ENPP6: variants seen among roughly 807,000 people sequenced by gnomAD.
ENPP6 encodes the protein glycerophosphocholine cholinephosphodiesterase ENPP6.
A neutral mutation model predicts 42.0 loss-of-function variants in ENPP6; 32 were observed. The observed-to-expected ratio is 0.76, with a 90% confidence interval of 0.58 to 1.02. The LOEUF is 1.02. Among genes scored for constraint, ENPP6 ranks in the 50% least tolerant of loss-of-function variants. ENPP6 has a pLI of 0.00. For missense variants in ENPP6, 552 were observed against 566.8 expected (o/e 0.97, Z 0.27); for synonymous variants, 213 against 216.0 (o/e 0.99, Z 0.12).
chr4:184,190,735 C>T (rs554073726), intron 1 of ENPP6, among the ~76,000 whole-genome samples: 4 of 152,186 alleles, frequency 2.6e-5, no homozygotes, highest in Non-Finnish European at 5.9e-5. Context: ...CCCAGGTCCC[C>T]ATAACCAAGT....
intron 2 of ENPP6, among the ~76,000 whole-genome samples, chr4:184,142,437 G>T (rs1469483659): frequency 6.6e-6 from 1 of 152,254 alleles, no homozygotes; most frequent in African/African-American, 2.4e-5. Context: ...GTGGGAACAA[G>T]TCCTTGGGGG....
chr4:184,155,422 G>C (rs1431350079), intron 1 of ENPP6, among the ~76,000 whole-genome samples: 4 of 152,178 alleles, frequency 2.6e-5, no homozygotes, highest in Admixed American at 2.0e-4. Context: ...TTTCCTCATA[G>C]AGAGATGTTC....
At chr4:184,110,012 C>T (rs1255846186) in intron 6 of ENPP6, among the ~76,000 whole-genome samples, 1 of 152,070 alleles carries the variant, frequency 6.6e-6, no homozygotes, top group Non-Finnish European at 1.5e-5. Context: ...GGAGAAGGTA[C>T]TTGGACCCAC....
At chr4:184,199,782 G>A (rs1374120979) in intron 1 of ENPP6, among the ~76,000 whole-genome samples, 6 of 152,318 alleles carry the variant, frequency 3.9e-5, no homozygotes, top group Middle Eastern at 3.4e-3. Context: ...TGGAGCTACT[G>A]TGATCATAAA....
chr4:184,092,038 T>C (rs1410495794), intron 7 of ENPP6, among the ~76,000 whole-genome samples: 1 of 152,212 alleles, frequency 6.6e-6, no homozygotes, highest in South Asian at 2.1e-4. Context: ...GCAGAGCCTG[T>C]ATGGTCACAG....
At chr4:184,099,401 C>T (rs60910792) in intron 6 of ENPP6, among the ~76,000 whole-genome samples, 3,741 of 152,296 alleles carry the variant, frequency 0.025, 176 homozygotes, top group African/African-American at 0.086. Flanking sequence ...GAGCTGCAGT[C>T]TCCCTGCTGG....
At chr4:184,210,257 G>T (rs1417126920) in intron 1 of ENPP6, among the ~76,000 whole-genome samples, 1 of 148,524 alleles carries the variant, frequency 6.7e-6, no homozygotes, top group Non-Finnish European at 1.5e-5. Flanking sequence ...AAATGTAAAT[G>T]GACTAAATGC....
At chr4:184,125,001 G>A (rs1736479390) in intron 2 of ENPP6, among the ~76,000 whole-genome samples, 1 of 152,318 alleles carries the variant, frequency 6.6e-6, no homozygotes, top group East Asian at 1.9e-4. Context: ...TCTGCTAGTT[G>A]AGTAAATATT....
intron 1 of ENPP6, among the ~76,000 whole-genome samples, chr4:184,213,467 C>T (rs1331437667): frequency 0.01 from 1,557 of 152,132 alleles, 22 homozygotes; most frequent in East Asian, 0.036. Flanking sequence ...GACATTTATG[C>T]GGCCAAAAAA....
rs1350569141 is a variant in ENPP6, at chr4:184,157,466, CCT to C, written c.242-3735_242-3734del. 3.9e-3 allele frequency among the ~76,000 whole-genome samples: 580 copies of C among 147,962 alleles called. 13 individuals are homozygous for C. Among genetic ancestry groups the C allele is most frequent in the Admixed American group, 0.031 (446 of 14,620 alleles). On this transcript the variant is annotated intron_variant, in intron 1 of 7. Transcript: ENST00000296741. ...TTCTTTTCTTTCTCTCTCTTTCTTT[CCT>C]TCCTTTCCTTTCTTTCCTTCCTTTC...
intron 5 of ENPP6, among the ~76,000 whole-genome samples, chr4:184,113,899 T>TTTCTTTC (rs1409161618): frequency 1.9e-5 from 2 of 103,712 alleles, no homozygotes; most frequent in South Asian, 7.2e-4. Flanking sequence ...CCTTTCTTTC[T>TTTCTTTC]TTTCTTTCTT....
chr4:184,099,946 T>C (rs1169870112), intron 6 of ENPP6, among the ~76,000 whole-genome samples: 3 of 152,250 alleles, frequency 2.0e-5, no homozygotes, highest in Non-Finnish European at 4.4e-5. Context: ...ATGAACCTCA[T>C]AGTCTGTGTG....
chr4:184,207,036 G>A (rs1481900790), intron 1 of ENPP6, among the ~76,000 whole-genome samples: 2 of 152,220 alleles, frequency 1.3e-5, no homozygotes, highest in African/African-American at 4.8e-5. Flanking sequence ...GTGTGAGAAC[G>A]GGGTCTCTGA....
intron 1 of ENPP6, among the ~76,000 whole-genome samples, chr4:184,209,848 T>C (rs1579669209): frequency 1.4e-5 from 2 of 142,494 alleles, no homozygotes; most frequent in African/African-American, 5.6e-5. Context: ...AAGGTCGGGT[T>C]ACCCTCAAAG....
At chr4:184,199,882 T>C (rs1473294152) in intron 1 of ENPP6, among the ~76,000 whole-genome samples, 1 of 152,146 alleles carries the variant, frequency 6.6e-6, no homozygotes, top group Non-Finnish European at 1.5e-5. Context: ...TAAGAACCTC[T>C]CTATGGTATT....
chr4:184,212,692 C>T (rs1211601669), intron 1 of ENPP6, among the ~76,000 whole-genome samples: 1 of 151,644 alleles, frequency 6.6e-6, no homozygotes, highest in Non-Finnish European at 1.5e-5. Context: ...CAATGCCATC[C>T]CCATCAAGCT....
At chr4:184,119,312 GGTGTGT>G (rs6148837) in intron 3 of ENPP6, among the ~76,000 whole-genome samples, 2,228 of 144,046 alleles carry the variant, frequency 0.015, 49 homozygotes, top group African/African-American at 0.051. Context: ...TCTGTTTCTT[GGTGTGT>G]GTGTGTGTGT....
rs1051611462 is a variant in ENPP6 at position 184,112,890 on chromosome 4, A to G, written c.856-81T>C. The G allele has an allele frequency of 2.1e-6, 3 of 1,396,518 alleles. No individual in the cohort carries two copies. In the African/African-American group the frequency reaches 4.4e-5, roughly 20 times the overall value. The allele number at this position is 1,396,518 out of a possible 1,614,324, so 86.5% of individuals were successfully genotyped here. ...TTTACTGGAGCTAGGGGAGAGGAGA[A>G]CTTACGTATAAGACCAAAGAAAGAA... On this transcript the variant is annotated intron_variant, in intron 5 of 7. Coordinates refer to ENST00000296741, the MANE Select transcript of ENPP6 (RefSeq NM_153343.4).
At chr4:184,105,969 T>C (rs539433404) in intron 6 of ENPP6, among the ~76,000 whole-genome samples, 2 of 152,298 alleles carry the variant, frequency 1.3e-5, no homozygotes, top group East Asian at 3.9e-4. Flanking sequence ...CTGAAGATGA[T>C]GGATCATGAT....
Sources: gnomAD v4.1 joint callset for allele counts (sites outside exome capture counted in the v4.1 genomes callset) on GRCh38, gnomAD v4.1.1 for gene constraint, MANE v1.5 for transcripts, NCBI Gene and HGNC (gene_info 2026-07-23, HGNC 2026-07-21) for gene names.